MECOM: variants seen among roughly 807,000 people sequenced by gnomAD.
MECOM encodes the protein histone-lysine N-methyltransferase MECOM.
MECOM carries 13 observed loss-of-function variants against 116.3 expected under a neutral mutation model. The observed-to-expected ratio is 0.11, with a 90% CI of 0.07 to 0.18. The LOEUF (loss-of-function observed/expected upper bound fraction) is 0.18, where lower values mean the gene tolerates loss of function less well. Ranked by LOEUF, MECOM falls within the 10% of genes least tolerant of loss-of-function variation. The probability of loss-of-function intolerance (pLI) is 1.00; values close to 1 mark genes in which losing one functional copy is unlikely to be tolerated. For synonymous variants in MECOM, 528 were observed against 535.2 expected (o/e 0.99, Z 0.19); for missense variants, 1,299 against 1,509.0 (o/e 0.86, Z 2.31).
intron 1 of MECOM, among the ~76,000 whole-genome samples, chr3:169,437,543 T>C (rs998145014): frequency 6.6e-6 from 1 of 152,206 alleles, no homozygotes. Flanking sequence ...ATTCAAATTA[T>C]AACTCTCTCC....
At position 169,378,497 on chromosome 3, in the gene MECOM, GAAAGAAAGAAAGAAAGA is replaced by G. The variant is rs1731674867; in HGVS notation, c.375+2673_375+2689del. On this transcript the variant is annotated intron_variant, in intron 2 of 16. Coordinates refer to ENST00000651503, the MANE Select transcript of MECOM (RefSeq NM_004991.4). ...AGCAAGAAAGAGAGAGAGAAAGAAA[GAAAGAAAGAAAGAAAGA>G]AAAGAAAGAAAGAAAGAAAGAAAGA... Among the ~76,000 whole-genome samples the G allele has an allele frequency of 9.3e-5, 3 of 32,170 alleles. 1 individual carries two copies. The African/African-American group carries it at 1.0e-3, about 11-fold the overall frequency. The allele number at this position is 32,170 out of a possible 152,430, so 21.1% of individuals were successfully genotyped here. A position where few individuals can be genotyped will look rare whatever the true frequency, so the allele number is the denominator to read the frequency against.
intron 2 of MECOM, among the ~76,000 whole-genome samples, chr3:169,151,498 C>T (rs1294214019): frequency 6.6e-6 from 1 of 152,152 alleles, no homozygotes; most frequent in Non-Finnish European, 1.5e-5. Flanking sequence ...TTTGTTTTAA[C>T]TCTATTTTTT....
At chr3:169,244,131 T>G (rs1755250019) in intron 2 of MECOM, among the ~76,000 whole-genome samples, 1 of 152,236 alleles carries the variant, frequency 6.6e-6, no homozygotes, top group South Asian at 2.1e-4. Flanking sequence ...CTCTCCTAAC[T>G]GTTCTAATTT....
intron 2 of MECOM, among the ~76,000 whole-genome samples, chr3:169,264,323 C>T (rs959927172): frequency 1.3e-5 from 2 of 152,216 alleles, no homozygotes; most frequent in Admixed American, 1.3e-4. Context: ...TTTCTTCTAG[C>T]TTTCATCAAA....
At chr3:169,592,924 T>C (rs1766605949) in intron 1 of MECOM, among the ~76,000 whole-genome samples, 1 of 152,232 alleles carries the variant, frequency 6.6e-6, no homozygotes, top group Admixed American at 6.5e-5. Context: ...GATATATATG[T>C]ACATAAAAAA....
At chr3:169,442,212 C>A (rs1473001841) in intron 1 of MECOM, among the ~76,000 whole-genome samples, 1 of 152,098 alleles carries the variant, frequency 6.6e-6, no homozygotes, top group Non-Finnish European at 1.5e-5. Context: ...AGGCATGAGC[C>A]ACCATATCCA....
intron 7 of MECOM, among the ~76,000 whole-genome samples, chr3:169,118,230 C>G (rs1457897799): frequency 6.6e-6 from 1 of 152,050 alleles, no homozygotes; most frequent in Admixed American, 6.6e-5. Context: ...TCTTTTACTA[C>G]TAAAGGTTAA....
At chr3:169,392,791 A>T (rs533917514) in intron 1 of MECOM, among the ~76,000 whole-genome samples, 1 of 152,326 alleles carries the variant, frequency 6.6e-6, no homozygotes, top group South Asian at 2.1e-4. Context: ...ACATCTTTAA[A>T]GAAACCTCTT....
chr3:169,086,599 C>T (rs1016801074), intron 16 of MECOM: 3 of 700,134 alleles, frequency 4.3e-6, no homozygotes, highest in Non-Finnish European at 7.8e-6. Flanking sequence ...ACAGTATTGG[C>T]CTCCAAGAGT....
chr3:169,362,988 C>T (rs545115849), intron 2 of MECOM, among the ~76,000 whole-genome samples: 14 of 151,938 alleles, frequency 9.2e-5, no homozygotes, highest in East Asian at 1.9e-4. Flanking sequence ...ATGACATATT[C>T]GGAAGTTAAT....
At chr3:169,132,837 C>A (rs1480595940) in intron 3 of MECOM, among the ~76,000 whole-genome samples, 1 of 151,096 alleles carries the variant, frequency 6.6e-6, no homozygotes, top group East Asian at 1.9e-4. Flanking sequence ...ACAGCAGCCT[C>A]AACCTCCCTG....
intron 2 of MECOM, among the ~76,000 whole-genome samples, chr3:169,243,543 TA>T (rs200333719): frequency 6.5e-4 from 99 of 152,122 alleles, no homozygotes; most frequent in African/African-American, 2.1e-3. Flanking sequence ...ACAATATTGT[TA>T]AAAAAAATTC....
At chr3:169,098,878 A>G (rs1364412472) in intron 12 of MECOM, among the ~76,000 whole-genome samples, 2 of 152,038 alleles carry the variant, frequency 1.3e-5, no homozygotes, top group African/African-American at 4.8e-5. Context: ...AAAGGTTGCA[A>G]AGATAGTACA....
intron 2 of MECOM, among the ~76,000 whole-genome samples, chr3:169,262,525 G>A (rs1309820836): frequency 1.3e-5 from 2 of 152,210 alleles, no homozygotes; most frequent in South Asian, 2.1e-4. Flanking sequence ...GTCGTGGGAC[G>A]GAATTTGACC....
At chr3:169,641,302 A>G (rs989918227) in intron 1 of MECOM, among the ~76,000 whole-genome samples, 1 of 152,226 alleles carries the variant, frequency 6.6e-6, no homozygotes, top group African/African-American at 2.4e-5. Context: ...GGATCGGCTG[A>G]AGAAAAATTA....
chr3:169,179,061 T>C (rs1180242664), intron 2 of MECOM, among the ~76,000 whole-genome samples: 1 of 152,198 alleles, frequency 6.6e-6, no homozygotes, highest in African/African-American at 2.4e-5. Context: ...AAAAGTGTGG[T>C]TAAAAATCCC....
chr3:169,343,211 G>A (rs1168004453), intron 2 of MECOM, among the ~76,000 whole-genome samples: 1 of 152,190 alleles, frequency 6.6e-6, no homozygotes. Context: ...AGCCTGATAA[G>A]TTGATTTTGT....
intron 1 of MECOM, among the ~76,000 whole-genome samples, chr3:169,554,311 G>A (rs1013624208): frequency 3.9e-5 from 6 of 152,156 alleles, no homozygotes; most frequent in African/African-American, 1.2e-4. Flanking sequence ...AAATGAACAC[G>A]TGCTGAGATT....
At chr3:169,208,110 T>G (rs1347332221) in intron 2 of MECOM, among the ~76,000 whole-genome samples, 1 of 151,952 alleles carries the variant, frequency 6.6e-6, no homozygotes, top group Admixed American at 6.6e-5. Context: ...CTCACACAGC[T>G]GGCAACGAGT....
Sources: gnomAD v4.1 joint callset for allele counts (sites outside exome capture counted in the v4.1 genomes callset) on GRCh38, gnomAD v4.1.1 for gene constraint, MANE v1.5 for transcripts, NCBI Gene and HGNC (gene_info 2026-07-23, HGNC 2026-07-21) for gene names.